HS6ST1: variants seen among roughly 807,000 people sequenced by gnomAD.
HS6ST1 encodes heparan-sulfate 6-O-sulfotransferase 1.
Under a neutral mutation model 25.2 loss-of-function variants are expected in HS6ST1, and 3 were observed. The ratio of observed to expected loss-of-function variants is 0.12; its 90% CI spans 0.05 to 0.31. The LOEUF (loss-of-function observed/expected upper bound fraction) is 0.31. Among genes scored for constraint, HS6ST1 ranks in the 10% least tolerant of loss-of-function variants. The pLI is 1.00. For missense variants in HS6ST1, 310 were observed against 609.6 expected, an observed-to-expected ratio of 0.51 and a Z score of 5.18; for synonymous variants, 204 against 275.1, an observed-to-expected ratio of 0.74 and a Z score of 2.56.
At chr2:128,289,893 T>A (rs1693927317) in intron 1 of HS6ST1, 1 of 152,220 alleles carries the variant, frequency 6.6e-6, no homozygotes, top group African/African-American at 2.4e-5. Context: ...TGTCCAAATA[T>A]AAGTCACAAA....
chr2:128,286,002 G>A (rs1693855139), intron 1 of HS6ST1, among the ~76,000 whole-genome samples: 1 of 152,216 alleles, frequency 6.6e-6, no homozygotes, highest in Non-Finnish European at 1.5e-5. Flanking sequence ...GTGGCCTGGG[G>A]ACAGTCACCC....
chr2:128,292,425 C>T (rs1486424385), intron 1 of HS6ST1, among the ~76,000 whole-genome samples: 1 of 152,228 alleles, frequency 6.6e-6, no homozygotes, highest in Non-Finnish European at 1.5e-5. Context: ...AGTCTGGACA[C>T]AGAACAACCC....
chr2:128,306,626 G>T (rs1194324778), intron 1 of HS6ST1, among the ~76,000 whole-genome samples: 1 of 152,186 alleles, frequency 6.6e-6, no homozygotes. Flanking sequence ...GGTGGATGGT[G>T]ATGTGTAGGC....
chr2:128,289,409 C>T (rs1693918181), intron 1 of HS6ST1, among the ~76,000 whole-genome samples: 1 of 152,202 alleles, frequency 6.6e-6, no homozygotes, highest in Non-Finnish European at 1.5e-5. Context: ...TATTAGATCC[C>T]CCTGCAGATG....
intron 1 of HS6ST1, among the ~76,000 whole-genome samples, chr2:128,273,371 C>G (rs1439821472): frequency 6.6e-6 from 1 of 152,262 alleles, no homozygotes; most frequent in African/African-American, 2.4e-5. Context: ...TAGAAGCTGC[C>G]TGTGAGGCCA....
chr2:128,297,314 G>A (rs796920327), intron 1 of HS6ST1, among the ~76,000 whole-genome samples: 2 of 152,274 alleles, frequency 1.3e-5, no homozygotes, highest in African/African-American at 2.4e-5. Flanking sequence ...GGGGAAACTG[G>A]ATTTCCACAT....
intron 1 of HS6ST1, among the ~76,000 whole-genome samples, chr2:128,271,191 C>T (rs1693603940): frequency 6.6e-6 from 1 of 152,210 alleles, no homozygotes; most frequent in Non-Finnish European, 1.5e-5. Flanking sequence ...GCAGCGGGGA[C>T]AGATCCCGTC....
chr2:128,301,097 C>T (rs1694118023), intron 1 of HS6ST1, among the ~76,000 whole-genome samples: 1 of 152,208 alleles, frequency 6.6e-6, no homozygotes, highest in African/African-American at 2.4e-5. Context: ...CCAGCCTTCC[C>T]TCCCTCTGTG....
At chr2:128,299,981 C>G (rs549571860) in intron 1 of HS6ST1, among the ~76,000 whole-genome samples, 2 of 152,230 alleles carry the variant, frequency 1.3e-5, no homozygotes, top group South Asian at 2.1e-4. Flanking sequence ...TCTTGCCAGC[C>G]GCTTCCCATC....
At chr2:128,294,676 GTGTGTGTGT>G (rs1694012736) in intron 1 of HS6ST1, among the ~76,000 whole-genome samples, 1 of 38,878 alleles carries the variant, frequency 2.6e-5, no homozygotes, top group Non-Finnish European at 5.1e-5. Context: ...GGAGGCGTGT[GTGTGTGTGT>G]GTGTGTGTGT....
At chr2:128,275,230 G>A (rs367829496) in intron 1 of HS6ST1, among the ~76,000 whole-genome samples, 1 of 152,170 alleles carries the variant, frequency 6.6e-6, no homozygotes, top group Non-Finnish European at 1.5e-5. Flanking sequence ...GGTTTTGAAG[G>A]CATCATCATG....
chr2:128,294,324 GC>G (rs1694004216), intron 1 of HS6ST1, among the ~76,000 whole-genome samples: 1 of 152,198 alleles, frequency 6.6e-6, no homozygotes, highest in Admixed American at 6.5e-5. Flanking sequence ...GTGATGGAGG[GC>G]CCCGGGCCCT....
chr2:128,292,884 T>C (rs1304827228), intron 1 of HS6ST1, among the ~76,000 whole-genome samples: 2 of 150,974 alleles, frequency 1.3e-5, no homozygotes, highest in Admixed American at 6.6e-5. Flanking sequence ...ACCTGAGACA[T>C]GGGGTGTGGG....
intron 1 of HS6ST1, among the ~76,000 whole-genome samples, chr2:128,271,710 C>G (rs1693611841): frequency 6.6e-6 from 1 of 152,218 alleles, no homozygotes; most frequent in African/African-American, 2.4e-5. Context: ...CCAGAAGACG[C>G]AGCACTCAAA....
At chr2:128,275,503 TTTCATCATAAGCCAAC>T (rs1693680245) in intron 1 of HS6ST1, among the ~76,000 whole-genome samples, 1 of 152,218 alleles carries the variant, frequency 6.6e-6, no homozygotes, top group African/African-American at 2.4e-5. Flanking sequence ...ATCTGCTGGC[TTTCATCATAAGCCAAC>T]TGGAACTACC....
At chr2:128,275,297 G>C (rs546790224) in intron 1 of HS6ST1, among the ~76,000 whole-genome samples, 2 of 152,164 alleles carry the variant, frequency 1.3e-5, no homozygotes, top group Admixed American at 6.6e-5. Flanking sequence ...GTGGGTGATG[G>C]GTGGGGTGAG....
In HS6ST1 at chr2:128,266,019, C is replaced by T. The variant is rs918646486; in HGVS notation, c.*2143G>A. ...AGAGGAGACTGCTTTCCAAATGCAG[C>T]GAAGAGACTGAGACAAGACCCGTGC... On this transcript the variant is annotated 3_prime_UTR_variant, in exon 2 of 2. Coordinates refer to ENST00000259241, the MANE Select transcript of HS6ST1 (RefSeq NM_004807.3). 4.0e-5 allele frequency: 6 copies of T among 151,576 alleles called. No individual in the cohort carries two copies. The highest frequency in any genetic ancestry group is 1.2e-4 in the African/African-American group (5 of 41,292). The allele number at this position is 151,576 out of a possible 1,614,324, so 9.4% of individuals were successfully genotyped here.
chr2:128,269,494 G>A (rs975302417), intron 1 of HS6ST1, among the ~76,000 whole-genome samples: 2 of 152,322 alleles, frequency 1.3e-5, no homozygotes, highest in African/African-American at 2.4e-5. Context: ...ACCCAAGGAA[G>A]ACTCCACCTC....
intron 1 of HS6ST1, among the ~76,000 whole-genome samples, chr2:128,301,110 G>A (rs1268629966): frequency 6.6e-6 from 1 of 152,196 alleles, no homozygotes; most frequent in East Asian, 1.9e-4. Flanking sequence ...CCTCTGTGAG[G>A]GGCAGGGGTT....
Sources: gnomAD v4.1 joint callset for allele counts (sites outside exome capture counted in the v4.1 genomes callset) on GRCh38, gnomAD v4.1.1 for gene constraint, MANE v1.5 for transcripts, NCBI Gene and HGNC (gene_info 2026-07-23, HGNC 2026-07-21) for gene names.